The following PARD3 variants were observed in gnomAD, a reference collection of about 807,000 sequenced individuals.
PARD3 encodes the protein partitioning defective 3 homolog.
Under a neutral mutation model 155.4 loss-of-function variants are expected in PARD3, and 75 were observed. The ratio of observed to expected loss-of-function variants is 0.48; its 90% confidence interval spans 0.40 to 0.58. PARD3 has a LOEUF of 0.58. Among genes scored for constraint, PARD3 ranks in the 20% least tolerant of loss-of-function variants. The pLI is 0.00. For synonymous variants in PARD3, 576 were observed against 610.5 expected, an observed-to-expected ratio of 0.94 and a Z score of 0.83; for missense variants, 1,642 against 1,721.7, an observed-to-expected ratio of 0.95 and a Z score of 0.82.
chr10:34,396,509 G>A (rs1263503003), intron 7 of PARD3, among the ~76,000 whole-genome samples: 1 of 152,140 alleles, frequency 6.6e-6, no homozygotes, highest in Non-Finnish European at 1.5e-5. Flanking sequence ...GGTCTGGGTT[G>A]TGTTCCTTCT....
chr10:34,245,560 G>A (rs1380457808), intron 22 of PARD3, among the ~76,000 whole-genome samples: 1 of 148,106 alleles, frequency 6.8e-6, no homozygotes, highest in Non-Finnish European at 1.5e-5. Context: ...TGCCAGACAA[G>A]GGGTAATACA....
intron 22 of PARD3, among the ~76,000 whole-genome samples, chr10:34,169,790 G>A (rs904516319): frequency 1.4e-4 from 22 of 152,142 alleles, no homozygotes; most frequent in African/African-American, 2.9e-4. Context: ...ATTAAGTTCC[G>A]ACAATTGAAT....
chr10:34,164,775 T>G (rs1180142472), intron 22 of PARD3, among the ~76,000 whole-genome samples: 1 of 152,060 alleles, frequency 6.6e-6, no homozygotes, highest in Non-Finnish European at 1.5e-5. Flanking sequence ...GTACTACTTG[T>G]AGTTTCCCTC....
At chr10:34,416,832 G>A (rs1442440468) in intron 5 of PARD3, among the ~76,000 whole-genome samples, 1 of 152,210 alleles carries the variant, frequency 6.6e-6, no homozygotes, top group African/African-American at 2.4e-5. Flanking sequence ...GTAATGGCCA[G>A]ATTGAAATGT....
chr10:34,365,913 T>C (rs945256056), intron 12 of PARD3, among the ~76,000 whole-genome samples: 3 of 152,102 alleles, frequency 2.0e-5, no homozygotes, highest in Non-Finnish European at 4.4e-5. Flanking sequence ...AAAAATACAT[T>C]ATCTTTGGCT....
chr10:34,814,752 A>C (rs2134461647), intron 1 of PARD3, 124 bp downstream of exon 1: 2 of 837,372 alleles, frequency 2.4e-6, no homozygotes, highest in Non-Finnish European at 3.5e-6. Flanking sequence ...GCGAGGCCCG[A>C]CCGGCCGCAC....
At chr10:34,336,631 A>C (rs1836220112) in intron 17 of PARD3, among the ~76,000 whole-genome samples, 1 of 152,114 alleles carries the variant, frequency 6.6e-6, no homozygotes, top group South Asian at 2.1e-4. Flanking sequence ...AAATATAATT[A>C]ATTATTTTAC....
intron 10 of PARD3, among the ~76,000 whole-genome samples, chr10:34,377,488 G>T (rs572206814): frequency 1.3e-5 from 2 of 152,200 alleles, no homozygotes; most frequent in Non-Finnish European, 2.9e-5. Flanking sequence ...TACCAGGGGG[G>T]CTGAGGCAGG....
At chr10:34,696,816 TTA>T (rs1223650914) in intron 1 of PARD3, among the ~76,000 whole-genome samples, 1 of 151,774 alleles carries the variant, frequency 6.6e-6, no homozygotes, top group Admixed American at 6.6e-5. Context: ...ACAGCATATA[TTA>T]TGTGTCTGAA....
intron 2 of PARD3, among the ~76,000 whole-genome samples, chr10:34,601,976 G>A (rs529431511): frequency 7.9e-5 from 12 of 152,134 alleles, no homozygotes; most frequent in Non-Finnish European, 1.0e-4. Flanking sequence ...TCTGTAAGAC[G>A]TTTCCTAATT....
chr10:34,135,694 T>TC (rs1484770675), intron 22 of PARD3, among the ~76,000 whole-genome samples: 1 of 152,136 alleles, frequency 6.6e-6, no homozygotes, highest in Non-Finnish European at 1.5e-5. Context: ...CTCAACCACT[T>TC]CCTTAGGTAC....
chr10:34,517,571 GA>G (rs1332617853), intron 2 of PARD3, among the ~76,000 whole-genome samples: 3 of 152,018 alleles, frequency 2.0e-5, no homozygotes, highest in Non-Finnish European at 4.4e-5. Context: ...ATAAAAAGGG[GA>G]TATTAAAAAC....
At chr10:34,649,843 T>C (rs1435563848) in intron 2 of PARD3, among the ~76,000 whole-genome samples, 3 of 152,194 alleles carry the variant, frequency 2.0e-5, no homozygotes, top group African/African-American at 7.2e-5. Context: ...TACAAAAATA[T>C]TTCCTTTCTA....
Position 34,317,226 on chromosome 10 carries a change from A to T in PARD3, c.2946T>A (p.Gly982=). The part of the protein sequence containing the change: ...ERQMNGNQEK[G]DKTDRKKDKT... ...TATCCTTTTTTCTATCAGTCTTATC[A>T]CCTTTCTCTTGGTTTCCATTCATTT... The change falls in exon 20 of 25, where the codon GGT becomes GGA. Residue 982 remains glycine, a synonymous_variant. Transcript: ENST00000374788. The T allele has an allele frequency of 6.2e-7, 1 of 1,613,254 alleles. No individual in the cohort carries two copies. The highest frequency in any genetic ancestry group is 8.5e-7 in the Non-Finnish European group (1 of 1,179,900).
chr10:34,457,768 T>C (rs1332029309), intron 4 of PARD3, among the ~76,000 whole-genome samples: 1 of 152,130 alleles, frequency 6.6e-6, no homozygotes, highest in Non-Finnish European at 1.5e-5. Flanking sequence ...ACTCAGCTAA[T>C]TTTTTAACTT....
At chr10:34,647,094 A>G (rs1267845586) in intron 2 of PARD3, among the ~76,000 whole-genome samples, 1 of 152,242 alleles carries the variant, frequency 6.6e-6, no homozygotes, top group Non-Finnish European at 1.5e-5. Flanking sequence ...CTGCTATAGT[A>G]TGCTTTAAAG....
chr10:34,231,386 G>T (rs572558780), intron 22 of PARD3, among the ~76,000 whole-genome samples: 15 of 151,078 alleles, frequency 9.9e-5, no homozygotes, highest in Non-Finnish European at 1.6e-4. Flanking sequence ...ACCTCTGAAG[G>T]TCACAAAATT....
At chr10:34,765,733 C>G (rs763929010) in intron 1 of PARD3, among the ~76,000 whole-genome samples, 2 of 151,842 alleles carry the variant, frequency 1.3e-5, no homozygotes, top group African/African-American at 2.4e-5. Flanking sequence ...GCAGTGATAT[C>G]GTTAAGCGCT....
chr10:34,797,057 G>T (rs1169286826), intron 1 of PARD3, among the ~76,000 whole-genome samples: 1 of 152,238 alleles, frequency 6.6e-6, no homozygotes, highest in Admixed American at 6.5e-5. Flanking sequence ...TTAGGTTCAT[G>T]AGGCAGCACA....
Sources: allele counts gnomAD v4.1 joint callset (sites outside exome capture counted in the v4.1 genomes callset), GRCh38; gene constraint gnomAD v4.1.1; transcripts MANE v1.5; gene names NCBI Gene and HGNC (gene_info 2026-07-23, HGNC 2026-07-21).